The following GLB1L3 variants were observed in gnomAD, a reference collection of about 807,000 sequenced individuals.
GLB1L3 encodes the protein beta-galactosidase-1-like protein 3.
GLB1L3 carries 89 observed loss-of-function variants against 89.5 expected under a neutral mutation model. The observed-to-expected ratio is 0.99, with a 90% confidence interval of 0.84 to 1.19. GLB1L3 has a LOEUF of 1.19. GLB1L3 is among the 50% of genes most tolerant of loss of function. The pLI is 0.00. For missense variants in GLB1L3, 812 were observed against 813.3 expected (o/e 1.00, Z 0.02); for synonymous variants, 314 against 312.3 (o/e 1.01, Z -0.06).
chr11:134,313,474 G>T lies in GLB1L3; in HGVS notation c.1579G>T (p.Gly527Ter). 6.4e-7 allele frequency: 1 copy of T among 1,572,040 alleles called. No individual in the cohort carries two copies. The highest frequency in any genetic ancestry group is 8.6e-7 in the Non-Finnish European group (1 of 1,158,132). Residue 527 changes from glycine (G) to a stop codon, truncating the protein, a stop_gained and splice_region_variant, in exon 16 of 20, where the codon GGA (glycine) becomes TGA (stop). Transcript: ENST00000431683. LOFTEE classifies it high-confidence loss of function. ...FSWQIQNEQK[G>*]ITGSVSINNS... ...ATGGCAAATACAGAATGAGCAGAAA[G>T]GTGGGCTCTGGCTGTGGCTTCTCCT... is the stretch of plus-strand genomic sequence containing the variant.
At chr11:134,313,304 G>A in intron 15 of GLB1L3, 92 bp from the exon 16 acceptor site, 2 of 900,952 alleles carry the variant, frequency 2.2e-6, no homozygotes, top group Non-Finnish European at 3.6e-6. Context: ...TCTCCCATGT[G>A]TCTCTCCATG....
chr11:134,286,650 G>C (rs139930622), intron 6 of GLB1L3, among the ~76,000 whole-genome samples: 1 of 151,332 alleles, frequency 6.6e-6, no homozygotes, highest in African/African-American at 2.4e-5. Context: ...GGTGGCGGGC[G>C]CCTGTAGTCC....
intron 9 of GLB1L3, among the ~76,000 whole-genome samples, chr11:134,300,558 T>C (rs1235863559): frequency 1.3e-5 from 2 of 151,848 alleles, no homozygotes; most frequent in Admixed American, 1.3e-4. Context: ...ATGGTCTCTA[T>C]CTCCTGACCT....
chr11:134,290,887 G>T (rs1489188493), intron 7 of GLB1L3, among the ~76,000 whole-genome samples: 3 of 152,078 alleles, frequency 2.0e-5, no homozygotes, highest in Non-Finnish European at 4.4e-5. Flanking sequence ...TTCTTTCAGT[G>T]ACTTAGATCC....
chr11:134,310,304 A>G (rs1019372405), intron 11 of GLB1L3: 4 of 502,208 alleles, frequency 8.0e-6, no homozygotes, highest in East Asian at 3.1e-5. Context: ...CCTGTAGCCC[A>G]TGAGCTGTGG....
intron 5 of GLB1L3, among the ~76,000 whole-genome samples, chr11:134,282,906 G>A (rs143270870): frequency 3.3e-5 from 5 of 152,306 alleles, no homozygotes; most frequent in African/African-American, 1.2e-4. Context: ...GGGAAGCAGT[G>A]ACTCCCGGCA....
intron 10 of GLB1L3, among the ~76,000 whole-genome samples, chr11:134,309,328 C>T (rs1437810980): frequency 1.3e-5 from 2 of 152,102 alleles, no homozygotes; most frequent in Admixed American, 6.6e-5. Context: ...AAAACATTTG[C>T]AGTAGGTCTT....
chr11:134,306,509 C>T (rs902510291), intron 9 of GLB1L3, among the ~76,000 whole-genome samples: 1 of 152,168 alleles, frequency 6.6e-6, no homozygotes, highest in South Asian at 2.1e-4. Flanking sequence ...GTTGACAGAT[C>T]TTTGGGCTTA....
intron 10 of GLB1L3, among the ~76,000 whole-genome samples, chr11:134,308,357 TAC>T (rs1942407828): frequency 8.2e-5 from 1 of 12,230 alleles, no homozygotes; most frequent in Non-Finnish European, 1.6e-4. Context: ...CCATCACCAC[TAC>T]CACCACCACC....
At chr11:134,313,883 TAG>T (rs1942864605) in intron 16 of GLB1L3, 56 bp from the exon 17 acceptor site, 1 of 1,106,564 alleles carries the variant, frequency 9.0e-7, no homozygotes. Context: ...TCCCAGATGC[TAG>T]AGAATATCCA....
Position 134,282,104 on chromosome 11 carries a change from C to T in GLB1L3, c.511C>T (p.Leu171Phe), listed in dbSNP as rs1307346441. 3.8e-6 allele frequency: 6 copies of T among 1,567,634 alleles called. No individual in the cohort carries two copies. Among genetic ancestry groups the T allele is most frequent in the Non-Finnish European group, 5.2e-6 (6 of 1,153,314 alleles). The change falls in exon 5 of 20, where the codon CTC (leucine) becomes TTC (phenylalanine). Residue 171 changes from leucine (L) to phenylalanine (F), a missense_variant. By Grantham distance (22) the Leu-to-Phe change is conservative (BLOSUM62 0). Coordinates refer to ENST00000431683, the MANE Select transcript of GLB1L3 (RefSeq NM_001080407.3). ...PGRYICSEMD[L>F]GGLPSWLLQD... ...CCGCTACATCTGCAGTGAGATGGAC[C>T]TCGGGGGCTTGCCCAGGTAAGCGGG...
chr11:134,298,644 T>G (rs543579462), intron 9 of GLB1L3, among the ~76,000 whole-genome samples: 2 of 152,180 alleles, frequency 1.3e-5, no homozygotes, highest in African/African-American at 4.8e-5. Flanking sequence ...TTATCAGGGG[T>G]TTCCACTTTT....
At chr11:134,294,118 G>A (rs1277604791) in intron 9 of GLB1L3, among the ~76,000 whole-genome samples, 1 of 151,816 alleles carries the variant, frequency 6.6e-6, no homozygotes, top group Non-Finnish European at 1.5e-5. Flanking sequence ...CCAGGCTGGA[G>A]TGCAATGGTA....
intron 14 of GLB1L3, 36 bp downstream of exon 14, chr11:134,312,525 T>C: frequency 1.2e-6 from 2 of 1,604,036 alleles, no homozygotes; most frequent in African/African-American, 1.3e-5. Flanking sequence ...GGAAGCAAAG[T>C]GCATCACCTC....
At chr11:134,322,672 G>A (rs1943181647), downstream of GLB1L3, among the ~76,000 whole-genome samples, 1 of 152,272 alleles carries the variant, frequency 6.6e-6, no homozygotes, top group South Asian at 2.1e-4. Context: ...AATCGAATAT[G>A]TGACCCTTTG....
intron 9 of GLB1L3, chr11:134,305,276 T>G (rs545914678): frequency 2.9e-6 from 2 of 689,430 alleles, no homozygotes; most frequent in African/African-American, 3.5e-5. Flanking sequence ...GTGCACCCTA[T>G]TCTGTAACTG....
chr11:134,287,092 C>A (rs553145399), intron 6 of GLB1L3: 5 of 151,908 alleles, frequency 3.3e-5, no homozygotes, highest in Non-Finnish European at 7.4e-5. Flanking sequence ...ACCCGGGAGG[C>A]GGAGCTTGCA....
intron 9 of GLB1L3, among the ~76,000 whole-genome samples, chr11:134,299,042 C>G (rs1485250527): frequency 1.3e-5 from 2 of 152,124 alleles, no homozygotes; most frequent in African/African-American, 4.8e-5. Flanking sequence ...TTAATTTCTA[C>G]TGACTTATCT....
At chr11:134,323,398 C>CACGT (rs1565428301), downstream of GLB1L3, among the ~76,000 whole-genome samples, 9 of 25,954 alleles carry the variant, frequency 3.5e-4, no homozygotes, top group East Asian at 8.0e-3. Context: ...CACACACGTA[C>CACGT]ACACACACAC....
Sources: gnomAD v4.1 joint callset for allele counts (sites outside exome capture counted in the v4.1 genomes callset) on GRCh38, gnomAD v4.1.1 for gene constraint, MANE v1.5 for transcripts, NCBI Gene and HGNC (gene_info 2026-07-23, HGNC 2026-07-21) for gene names.